KIF16B: variants seen among roughly 807,000 people sequenced by gnomAD.
KIF16B encodes the protein kinesin family member 16B.
In KIF16B, 98 loss-of-function variants were observed where a neutral mutation model predicts 156.3. The observed-to-expected ratio is 0.63, with a 90% confidence interval of 0.53 to 0.74. KIF16B has a LOEUF of 0.74. Among genes scored for constraint, KIF16B ranks in the 30% least tolerant of loss-of-function variants. The pLI, the probability that KIF16B is intolerant of heterozygous loss-of-function variation, is 0.00. For synonymous variants in KIF16B, 564 were observed against 583.7 expected (o/e 0.97, Z 0.49); for missense variants, 1,421 against 1,606.5 (o/e 0.88, Z 1.97).
chr20:16,356,645 AT>A (rs1200304836), intron 22 of KIF16B, among the ~76,000 whole-genome samples, 193 bp from the exon 23 acceptor site: 15 of 152,226 alleles, frequency 9.9e-5, no homozygotes, highest in Admixed American at 8.5e-4. Flanking sequence ...CAAAAAGACC[AT>A]TATTTTAGGT....
In KIF16B at chr20:16,379,493, C is replaced by G. The variant is rs2123414838; in HGVS notation, c.2509G>C (p.Val837Leu). ...TGAACCAGGTCCTTCTCCAAGTTCA[C>G]TAGCTTGACAAGCTGCCTTCTCTTG... ...EFKRRQLVKLVNLEKDLVQQK... is the reference protein window; with the variant it reads ...EFKRRQLVKLLNLEKDLVQQK... Residue 837 changes from valine (V) to leucine (L), a missense_variant, in exon 19 of 26, where the codon GTG becomes CTG. By Grantham distance (32) the Val-to-Leu change is conservative. Coordinates refer to ENST00000354981, the MANE Select transcript of KIF16B (RefSeq NM_024704.5). The G allele has an allele frequency of 6.2e-7, 1 of 1,614,160 alleles. No homozygotes were observed. Among genetic ancestry groups the G allele is most frequent in the East Asian group, 2.2e-5 (1 of 44,878 alleles).
chr20:16,280,431 A>AAGGCCAAG (rs2063127393), intron 25 of KIF16B, among the ~76,000 whole-genome samples: 1 of 152,254 alleles, frequency 6.6e-6, no homozygotes, highest in East Asian at 1.9e-4. Context: ...GGCCAAGGCC[A>AAGGCCAAG]GCCTGTGCAA....
Position 16,511,407 on chromosome 20 carries a change from T to A in KIF16B, c.556+11A>T. ...ACAAAAAGAATATGGCTGTGAAATA[T>A]CTACTCTTACCCTCAACATAAGGGC... is the stretch of plus-strand genomic sequence containing the variant. On this transcript the variant is annotated intron_variant, in intron 6 of 25. Coordinates refer to ENST00000354981, the MANE Select transcript of KIF16B (RefSeq NM_024704.5). 2 of 1,429,488 alleles carry A rather than the reference T, an allele frequency of 1.4e-6. No individual in the cohort carries two copies. The highest frequency in any genetic ancestry group is 1.9e-6 in the Non-Finnish European group (2 of 1,033,296). The allele number at this position is 1,429,488 out of a possible 1,614,324, so 88.6% of individuals were successfully genotyped here.
chr20:16,569,105 C>T (rs2071367619), intron 1 of KIF16B, among the ~76,000 whole-genome samples: 1 of 152,098 alleles, frequency 6.6e-6, no homozygotes, highest in Non-Finnish European at 1.5e-5. Context: ...CAAGAACCTA[C>T]CATGTATGAG....
intron 21 of KIF16B, among the ~76,000 whole-genome samples, chr20:16,370,904 T>C (rs972363900): frequency 2.0e-5 from 3 of 152,206 alleles, no homozygotes; most frequent in African/African-American, 7.2e-5. Flanking sequence ...CATTTCTTAA[T>C]TTGCAGGATA....
rs1262691469 is a variant in KIF16B at position 16,497,685 on chromosome 20, T to C, written c.1177-7A>G. On this transcript the variant is annotated splice_polypyrimidine_tract_variant and splice_region_variant and intron_variant, in intron 10 of 25. Transcript: ENST00000354981. The stretch of plus-strand genomic sequence containing the variant: ...GGGAGTCTAAGAGGGCAATCTACAA[T>C]ATAAACCATAAAAGAAATCAGCAAT... The C allele has an allele frequency of 6.3e-7, 1 of 1,587,784 alleles. No homozygotes were observed. The highest frequency in any genetic ancestry group is 2.2e-5 in the East Asian group (1 of 44,724).
chr20:16,456,392 C>T (rs187857677), intron 12 of KIF16B, among the ~76,000 whole-genome samples: 31 of 152,204 alleles, frequency 2.0e-4, no homozygotes, highest in Middle Eastern at 3.4e-3. Flanking sequence ...AAAAGGCCCT[C>T]CATATCCTTG....
intron 23 of KIF16B, among the ~76,000 whole-genome samples, chr20:16,340,740 G>A (rs974425854): frequency 1.3e-5 from 2 of 152,200 alleles, no homozygotes; most frequent in Non-Finnish European, 1.5e-5. Flanking sequence ...TCTCTGAATA[G>A]TGAAATGGTA....
chr20:16,355,058 G>A (rs6111070), intron 23 of KIF16B, among the ~76,000 whole-genome samples: 4,730 of 151,068 alleles, frequency 0.031, 74 homozygotes, highest in Middle Eastern at 0.078. Context: ...GGAAAACTTA[G>A]TATATAGAAA....
chr20:16,307,422 T>C (rs1033317708), intron 25 of KIF16B, among the ~76,000 whole-genome samples: 2 of 152,272 alleles, frequency 1.3e-5, no homozygotes, highest in Admixed American at 6.5e-5. Context: ...TGAAGTATAA[T>C]GGGAGATTAG....
At chr20:16,515,279 C>T (rs6131836) in intron 4 of KIF16B, among the ~76,000 whole-genome samples, 16,330 of 152,164 alleles carry the variant, frequency 0.11, 1,093 homozygotes, top group East Asian at 0.33. Flanking sequence ...GGGCCCAACA[C>T]ACTTTTTTGA....
At chr20:16,427,355 C>T (rs1233036562) in intron 14 of KIF16B, 114 bp from the exon 15 acceptor site, 13 of 1,016,646 alleles carry the variant, frequency 1.3e-5, no homozygotes, top group African/African-American at 3.3e-5. Context: ...TCCTTTTCCA[C>T]ATAAGTATCA....
chr20:16,492,150 T>C (rs1206230182), intron 12 of KIF16B, among the ~76,000 whole-genome samples: 1 of 152,192 alleles, frequency 6.6e-6, no homozygotes, highest in African/African-American at 2.4e-5. Context: ...GTGGGTTTTA[T>C]GCGCATTACT....
At chr20:16,415,709 G>A (rs563161164) in intron 15 of KIF16B, among the ~76,000 whole-genome samples, 1 of 152,252 alleles carries the variant, frequency 6.6e-6, no homozygotes, top group South Asian at 2.1e-4. Flanking sequence ...TTTGGCTGAA[G>A]AGCATCTAAG....
In KIF16B at chr20:16,380,094, C is replaced by G; in HGVS notation, c.1908G>C (p.Glu636Asp). ...DKAELERMQQ[E>D]VETQRKETEI... ...CTGTCTCCTTGCGCTGGGTCTCCACCTCCTGCTGCATCCGCTCCAGTTCAG... is the reference window on the plus strand; with the variant it reads ...CTGTCTCCTTGCGCTGGGTCTCCACGTCCTGCTGCATCCGCTCCAGTTCAG... Residue 636 changes from glutamate (E) to aspartate (D), a missense_variant, in exon 19 of 26, where the codon GAG (glutamate) becomes GAC (aspartate). Glu to Asp is a conservative substitution (Grantham distance 45). Transcript: ENST00000354981. 1 of 1,530,804 alleles carries G rather than the reference C, an allele frequency of 6.5e-7. No homozygotes were observed. The highest frequency in any genetic ancestry group is 8.7e-7 in the Non-Finnish European group (1 of 1,144,542). The allele number at this position is 1,530,804 out of a possible 1,614,324, so 94.8% of individuals were successfully genotyped here.
chr20:16,453,583 T>C (rs2067140757), intron 12 of KIF16B, among the ~76,000 whole-genome samples: 1 of 152,018 alleles, frequency 6.6e-6, no homozygotes, highest in East Asian at 1.9e-4. Context: ...GATCACTACA[T>C]GAAGAGCCAT....
intron 1 of KIF16B, among the ~76,000 whole-genome samples, chr20:16,539,634 G>T (rs1442495705): frequency 2.0e-5 from 3 of 152,124 alleles, no homozygotes; most frequent in Admixed American, 2.0e-4. Context: ...GCTTCCTGAG[G>T]CCTCCCCAGA....
intron 12 of KIF16B, among the ~76,000 whole-genome samples, chr20:16,451,532 T>TA (rs57855822): frequency 0.26 from 36,902 of 143,832 alleles, 4,742 homozygotes; most frequent in South Asian, 0.32. Context: ...ACTACCATGT[T>TA]AAAAAAAAAA....
chr20:16,552,209 C>T (rs1282947242), intron 1 of KIF16B, among the ~76,000 whole-genome samples: 1 of 152,176 alleles, frequency 6.6e-6, no homozygotes, highest in African/African-American at 2.4e-5. Context: ...ACAAACCCAG[C>T]TCAGCACTTG....
Sources: gnomAD v4.1 joint callset for allele counts (sites outside exome capture counted in the v4.1 genomes callset) on GRCh38, gnomAD v4.1.1 for gene constraint, MANE v1.5 for transcripts, NCBI Gene and HGNC (gene_info 2026-07-23, HGNC 2026-07-21) for gene names.